CNTNAP5: variants seen among roughly 807,000 people sequenced by gnomAD.
The protein encoded by CNTNAP5 is contactin-associated protein-like 5.
Under a neutral mutation model 150.2 loss-of-function variants are expected in CNTNAP5, and 72 were observed. That is an observed-to-expected ratio of 0.48 (90% confidence interval 0.40 to 0.58). The LOEUF (loss-of-function observed/expected upper bound fraction) is 0.58, where lower values mean the gene tolerates loss of function less well. Among genes scored for constraint, CNTNAP5 ranks in the 20% least tolerant of loss-of-function variants. The pLI is 0.00. For synonymous variants in CNTNAP5, 672 were observed against 619.8 expected (o/e 1.08, Z -1.25); for missense variants, 1,636 against 1,626.2 (o/e 1.01, Z -0.10).
intron 21 of CNTNAP5, among the ~76,000 whole-genome samples, chr2:124,876,562 G>A (rs1475624788): frequency 4.0e-5 from 6 of 151,754 alleles, no homozygotes; most frequent in African/African-American, 7.2e-5. Flanking sequence ...AATATGTTGC[G>A]GTATGAAAAA....
At chr2:124,810,881 G>A (rs1303450611) in intron 19 of CNTNAP5, among the ~76,000 whole-genome samples, 9 of 152,000 alleles carry the variant, frequency 5.9e-5, no homozygotes, top group Non-Finnish European at 1.5e-5. Flanking sequence ...TGGGAGTGAG[G>A]GATGCGGCAA....
chr2:124,287,093 G>A (rs1182521620), intron 3 of CNTNAP5, among the ~76,000 whole-genome samples: 4 of 152,136 alleles, frequency 2.6e-5, no homozygotes, highest in African/African-American at 9.7e-5. Context: ...ACTCCCACTC[G>A]CTCAAAGGTC....
At position 124,783,036 on chromosome 2, in the gene CNTNAP5, T is replaced by A. The variant is rs184437898; in HGVS notation, c.2753-6866T>A. On this transcript the variant is annotated intron_variant, in intron 17 of 23. Coordinates refer to ENST00000682447, the MANE Select transcript of CNTNAP5 (RefSeq NM_001367498.1). ...AAGAAGCCAGGGTCAAAATAGTACA[T>A]GCAATGTGATTCCATTTAAATCATA... Among the ~76,000 whole-genome samples the A allele has an allele frequency of 3.3e-4, 51 of 152,328 alleles. No individual in the cohort carries two copies. The East Asian group carries it at 6.6e-3, about 20-fold the overall frequency.
At chr2:124,488,033 C>A (rs960354147) in intron 7 of CNTNAP5, among the ~76,000 whole-genome samples, 2 of 152,144 alleles carry the variant, frequency 1.3e-5, no homozygotes, top group African/African-American at 4.8e-5. Flanking sequence ...AACAACCAAA[C>A]TATAAGCTAA....
intron 1 of CNTNAP5, among the ~76,000 whole-genome samples, chr2:124,136,595 A>G (rs1427712867): frequency 6.6e-6 from 1 of 152,194 alleles, no homozygotes; most frequent in Non-Finnish European, 1.5e-5. Flanking sequence ...TGAGAGTGAA[A>G]AACAGAATGT....
intron 3 of CNTNAP5, among the ~76,000 whole-genome samples, chr2:124,312,314 GA>G (rs1192209346): frequency 1.3e-5 from 2 of 152,134 alleles, no homozygotes; most frequent in East Asian, 3.9e-4. Flanking sequence ...GTCTTTAGCA[GA>G]ATTCTTAGTG....
chr2:124,163,833 AC>A (rs1684745058), intron 1 of CNTNAP5, among the ~76,000 whole-genome samples: 2 of 149,776 alleles, frequency 1.3e-5, no homozygotes, highest in South Asian at 4.3e-4. Flanking sequence ...CTTTCTTTTA[AC>A]TTCAATTATT....
intron 14 of CNTNAP5, among the ~76,000 whole-genome samples, chr2:124,760,662 T>A (rs17321617): frequency 0.079 from 12,093 of 152,198 alleles, 609 homozygotes; most frequent in East Asian, 0.12. Flanking sequence ...TGTGCCCTTG[T>A]AGACTCCATA....
chr2:124,843,201 A>T (rs1682979051), intron 19 of CNTNAP5, among the ~76,000 whole-genome samples: 1 of 152,050 alleles, frequency 6.6e-6, no homozygotes, highest in South Asian at 2.1e-4. Flanking sequence ...ATAGTTTCCA[A>T]TTCCATCCAG....
chr2:124,204,129 G>T (rs2420571), intron 1 of CNTNAP5, among the ~76,000 whole-genome samples: 1 of 151,986 alleles, frequency 6.6e-6, no homozygotes. Flanking sequence ...ATGTCTTGAA[G>T]GCTTTGCTGC....
chr2:124,861,662 A>C (rs529281261), intron 19 of CNTNAP5, among the ~76,000 whole-genome samples: 22 of 152,252 alleles, frequency 1.4e-4, no homozygotes, highest in Admixed American at 2.6e-4. Flanking sequence ...GAAGAAGAAG[A>C]AGCAGCTAGA....
intron 1 of CNTNAP5, among the ~76,000 whole-genome samples, chr2:124,194,389 ATATATATATATATATATATATAAATAT>A (rs1685530066): frequency 7.9e-5 from 1 of 12,680 alleles, no homozygotes. Context: ...ATATATATAT[ATATATATATATATATATATATAAATAT>A]AAATAGGTGT....
chr2:124,423,131 G>A lies in CNTNAP5; in HGVS notation c.529+5541G>A, dbSNP rs147599540. 2.0e-5 allele frequency among the ~76,000 whole-genome samples: 3 copies of A among 152,268 alleles called. No homozygotes were observed. In the East Asian group the frequency reaches 5.8e-4, roughly 29 times the overall value. ...CTTGACTTCACCACCTACTAGTTGG[G>A]TAATCTTGGGCAATCTTGGGTCCTC... On this transcript the variant is annotated intron_variant, in intron 4 of 23. Transcript: ENST00000682447.
Position 124,741,816 on chromosome 2 carries a change from C to A in CNTNAP5, c.2078-5413C>A, listed in dbSNP as rs1365696682. On this transcript the variant is annotated intron_variant, in intron 13 of 23. Transcript: ENST00000682447. ...TGTTTCCCGCTTTTACTTCCTCTCC[C>A]TCCTCCTCCTTATTCTCTCTCTTTC... Among the ~76,000 whole-genome samples the A allele has an allele frequency of 3.3e-5, 5 of 152,046 alleles. No individual in the cohort carries two copies. The East Asian group carries it at 7.7e-4, about 24-fold the overall frequency.
At chr2:124,819,777 A>C (rs1304273394) in intron 19 of CNTNAP5, among the ~76,000 whole-genome samples, 1 of 152,176 alleles carries the variant, frequency 6.6e-6, no homozygotes, top group Non-Finnish European at 1.5e-5. Flanking sequence ...AGAAATAGAG[A>C]GTCTGGGACA....
At chr2:124,510,416 C>T (rs1239334895) in intron 8 of CNTNAP5, among the ~76,000 whole-genome samples, 1 of 124,502 alleles carries the variant, frequency 8.0e-6, no homozygotes, top group African/African-American at 3.1e-5. Context: ...TGCACTCCAG[C>T]CTAGGTGACA....
At chr2:124,605,830 A>AGG (rs1697094073) in intron 11 of CNTNAP5, among the ~76,000 whole-genome samples, 1 of 136,024 alleles carries the variant, frequency 7.4e-6, no homozygotes, top group Non-Finnish European at 1.5e-5. Context: ...AAAAAAAAAA[A>AGG]AAAGAAGGAA....
intron 3 of CNTNAP5, among the ~76,000 whole-genome samples, chr2:124,365,463 G>A (rs1690347796): frequency 6.6e-6 from 1 of 152,120 alleles, no homozygotes; most frequent in Admixed American, 6.6e-5. Context: ...TTGAAATAAG[G>A]AAACAAATTT....
chr2:124,553,418 C>A (rs943623738), intron 10 of CNTNAP5, among the ~76,000 whole-genome samples: 1 of 151,218 alleles, frequency 6.6e-6, no homozygotes, highest in Non-Finnish European at 1.5e-5. Context: ...GCAGGAAAAT[C>A]GCTTGAACCT....
Sources: allele counts gnomAD v4.1 joint callset (sites outside exome capture counted in the v4.1 genomes callset), GRCh38; gene constraint gnomAD v4.1.1; transcripts MANE v1.5; gene names NCBI Gene and HGNC (gene_info 2026-07-23, HGNC 2026-07-21).